The following CHTF18 variants were observed in gnomAD, a reference collection of about 807,000 sequenced individuals.
CHTF18 encodes the protein chromosome transmission fidelity protein 18 homolog.
CHTF18 carries 151 observed loss-of-function variants against 113.4 expected under a neutral mutation model. The observed-to-expected ratio is 1.33, with a 90% CI of 1.17 to 1.52. The LOEUF (loss-of-function observed/expected upper bound fraction) is 1.52. Ranked by LOEUF, CHTF18 falls within the 40% of genes most tolerant of loss-of-function variation. The pLI is 0.00. For missense variants in CHTF18, 1,982 were observed against 1,381.6 expected (o/e 1.43, Z -6.89); for synonymous variants, 916 against 598.8 (o/e 1.53, Z -7.74).
chr16:791,788 T>G lies in CHTF18; in HGVS notation c.1105-63T>G, dbSNP rs2151643748. 3 of 1,532,984 alleles carry G rather than the reference T, an allele frequency of 2.0e-6. No homozygotes were observed. The East Asian group carries it at 7.3e-5, about 38-fold the overall frequency. The allele number at this position is 1,532,984 out of a possible 1,614,324, so 95.0% of individuals were successfully genotyped here. ...TGGGACACATGTGGCAGTCCCTGGC[T>G]GCTAGGCCGGGAGCGTCCTGTAGGT... On this transcript the variant is annotated intron_variant, in intron 8 of 21. Transcript: ENST00000262315.
chr16:793,675 CTG>C (rs2042262893), intron 14 of CHTF18: 2 of 573,390 alleles, frequency 3.5e-6, no homozygotes, highest in African/African-American at 3.7e-5. Flanking sequence ...CAGCATGTCT[CTG>C]TCCTGACGTG....
At chr16:793,410 C>A in intron 14 of CHTF18, 136 bp downstream of exon 14, 1 of 1,151,014 alleles carries the variant, frequency 8.7e-7, no homozygotes, top group Non-Finnish European at 1.2e-6. Flanking sequence ...GTCCAGCCTC[C>A]AGGGCCCTCC....
intron 20 of CHTF18, 38 bp from the exon 21 acceptor site, chr16:797,656 T>A (rs1395587396): frequency 1.2e-6 from 2 of 1,606,996 alleles, no homozygotes; most frequent in Non-Finnish European, 1.7e-6. Flanking sequence ...GGATGGGGCA[T>A]CTGTCCTATA....
At position 791,275 on chromosome 16, in the gene CHTF18, G is replaced by C; in HGVS notation, c.1009G>C (p.Glu337Gln). ...PSVEPARVSK[E>Q]ATAPGKWKSH... Reference sequence around the variant, plus strand: ...TGTTGAGCCGGCCCGGGTCAGCAAGGAGGCCACAGCCCCAGGCAAGTGGAA... The same window carrying C: ...TGTTGAGCCGGCCCGGGTCAGCAAGCAGGCCACAGCCCCAGGCAAGTGGAA... The change falls in exon 8 of 22, where the codon GAG becomes CAG. Residue 337 changes from glutamate to glutamine, a missense_variant. By Grantham distance (29) the Glu-to-Gln change is conservative. Coordinates refer to ENST00000262315, the MANE Select transcript of CHTF18 (RefSeq NM_022092.3). 1 of 1,610,898 alleles carries C rather than the reference G, an allele frequency of 6.2e-7. No homozygotes were observed. The highest frequency in any genetic ancestry group is 8.5e-7 in the Non-Finnish European group (1 of 1,179,472).
chr16:796,097 G>T lies in CHTF18; in HGVS notation c.2456+20G>T. ...GGAGCCGTGAGTCCCCCAGTGCCTGGGGTGTGCTCCAGGGTCATGCTCCCC... is the reference window on the plus strand; with the variant it reads ...GGAGCCGTGAGTCCCCCAGTGCCTGTGGTGTGCTCCAGGGTCATGCTCCCC... On this transcript the variant is annotated intron_variant, in intron 18 of 21. Coordinates refer to ENST00000262315, the MANE Select transcript of CHTF18 (RefSeq NM_022092.3). 1 of 1,592,396 alleles carries T rather than the reference G, an allele frequency of 6.3e-7. No homozygotes were observed. Among genetic ancestry groups the T allele is most frequent in the East Asian group, 2.3e-5 (1 of 43,640 alleles).
rs898694800 is a variant in CHTF18 at position 790,609 on chromosome 16, C to A, written c.837C>A (p.His279Gln). Residue 279 changes from histidine (H) to glutamine (Q), a missense_variant, in exon 7 of 22, where the codon CAC (histidine) becomes CAA (glutamine). Physicochemically the swap from His to Gln is conservative, Grantham distance 24. Coordinates refer to ENST00000262315, the MANE Select transcript of CHTF18 (RefSeq NM_022092.3). ...CTGACGGTCAAGACGCCTCCAGTCA[C>A]TGCCTCTGGGTGGATGAGTTTGCAC... is the stretch of plus-strand genomic sequence containing the variant. The part of the protein sequence containing the change: ...EPTDGQDASS[H>Q]CLWVDEFAPR... The A allele has an allele frequency of 6.3e-7, 1 of 1,596,054 alleles. No individual in the cohort carries two copies. Among genetic ancestry groups the A allele is most frequent in the Non-Finnish European group, 8.5e-7 (1 of 1,172,844 alleles).
chr16:792,938 G>C lies in CHTF18; in HGVS notation c.1573-28G>C, dbSNP rs767835230. 3.2e-6 allele frequency: 5 copies of C among 1,546,644 alleles called. No individual in the cohort carries two copies. In the South Asian group the frequency reaches 4.8e-5, roughly 15 times the overall value. On this transcript the variant is annotated intron_variant, in intron 12 of 21. Coordinates refer to ENST00000262315, the MANE Select transcript of CHTF18 (RefSeq NM_022092.3). Reference sequence around the variant, plus strand: ...CCCTGAAAGGATGGGGCATACCATCGGGCCCTCCAGCAGCCCTTCTCCACC... The same window carrying C: ...CCCTGAAAGGATGGGGCATACCATCCGGCCCTCCAGCAGCCCTTCTCCACC...
Position 788,950 on chromosome 16 carries a change from C to G in CHTF18, c.111C>G (p.Pro37=). 6.4e-7 allele frequency: 1 copy of G among 1,562,648 alleles called. No homozygotes were observed. The highest frequency in any genetic ancestry group is 1.1e-5 in the South Asian group (1 of 87,360). Residue 37 remains proline, a synonymous_variant, in exon 2 of 22, where the codon CCC becomes CCG. Coordinates refer to ENST00000262315, the MANE Select transcript of CHTF18 (RefSeq NM_022092.3). ...AELEGASTPS[P]SGVPLFTAGR... ...CAGCAGGGGCGTCGACTCCGTCGCC[C>G]TCCGGGGTCCCCCTGTTCACCGCGG... is the stretch of plus-strand genomic sequence containing the variant.
In CHTF18 at chr16:791,221, G is replaced by A. The variant is rs749093068; in HGVS notation, c.955G>A (p.Glu319Lys). The A allele has an allele frequency of 9.9e-6, 16 of 1,611,412 alleles. No individual in the cohort carries two copies. Among genetic ancestry groups the A allele is most frequent in the Non-Finnish European group, 1.3e-5 (15 of 1,179,504 alleles). ...GTGGGACCTGGTGGTGTTTGGCCAC[G>A]AGAGGCCTTCCCGGAAGCCCAGGCC... is the stretch of plus-strand genomic sequence containing the variant. ...KLWDLVVFGH[E>K]RPSRKPRPSV... is the part of the protein sequence containing the mutation. The change falls in exon 8 of 22, where the codon GAG (glutamate) becomes AAG (lysine). Residue 319 changes from glutamate to lysine, a missense_variant. Physicochemically the swap from Glu to Lys is moderately conservative, Grantham distance 56. Transcript: ENST00000262315.
At position 789,317 on chromosome 16, in the gene CHTF18, C is replaced by G. The variant is rs1216753691; in HGVS notation, c.394C>G (p.Pro132Ala). 2 of 1,601,268 alleles carry G rather than the reference C, an allele frequency of 1.2e-6. No individual in the cohort carries two copies. Among genetic ancestry groups the G allele is most frequent in the Admixed American group, 1.7e-5 (1 of 58,610 alleles). ...CGACTCCTCGCCGACGGACATCACC[C>G]CGCCGCCGAGCCCTGAGGACCTCGC... ...PPDSSPTDITPPPSPEDLAEL... is the reference protein window; with the variant it reads ...PPDSSPTDITAPPSPEDLAEL... Residue 132 changes from proline (P) to alanine (A), a missense_variant, in exon 3 of 22, where the codon CCG becomes GCG. Coordinates refer to ENST00000262315, the MANE Select transcript of CHTF18 (RefSeq NM_022092.3).
intron 7 of CHTF18, 59 bp from the exon 8 acceptor site, chr16:791,102 C>G: frequency 6.5e-7 from 1 of 1,549,140 alleles, no homozygotes; most frequent in Non-Finnish European, 8.7e-7. Context: ...GGCAGGTGGA[C>G]TGTCCGTGCC....
At position 792,485 on chromosome 16, in the gene CHTF18, A is replaced by T. The variant is rs1022512586; in HGVS notation, c.1373A>T (p.Gln458Leu). ...AGCATCCTGAACCGCAAGGGGCCAC[A>T]GGAGGTGGGGCCACAGGGCCCGGCT... Reference protein sequence around the residue: ...LLSILNRKGPQEVGPQGPAVP... With the variant: ...LLSILNRKGPLEVGPQGPAVP... The change falls in exon 11 of 22, where the codon CAG (glutamine) becomes CTG (leucine). Residue 458 changes from glutamine (Q) to leucine (L), a missense_variant. Physicochemically the swap from Gln to Leu is moderately radical, Grantham distance 113. Transcript: ENST00000262315. 3.1e-6 allele frequency: 5 copies of T among 1,590,538 alleles called. No homozygotes were observed. Among genetic ancestry groups the T allele is most frequent in the South Asian group, 2.3e-5 (2 of 88,498 alleles).
intron 15 of CHTF18, 83 bp from the exon 16 acceptor site, chr16:795,049 G>A: frequency 8.9e-7 from 1 of 1,124,004 alleles, no homozygotes; most frequent in Admixed American, 2.1e-5. Context: ...GGAGTGGAGG[G>A]TCTGTGGCGG....
Position 793,063 on chromosome 16 carries a change from A to G in CHTF18, c.1670A>G (p.Gln557Arg). 8.6e-7 allele frequency: 1 copy of G among 1,165,420 alleles called. No homozygotes were observed. The highest frequency in any genetic ancestry group is 1.3e-5 in the South Asian group (1 of 76,682). The allele number at this position is 1,165,420 out of a possible 1,614,324, so 72.2% of individuals were successfully genotyped here. ...NDIRACINTL[Q>R]FLYSRGQREL... ...ATCCGGGCCTGCATCAACACCCTGC[A>G]GGTGGGCGGCCGGCAGGCACCGGGT... The change falls in exon 13 of 22, where the codon CAG becomes CGG. Residue 557 changes from glutamine to arginine, a missense_variant and splice_region_variant. Transcript: ENST00000262315.
intron 18 of CHTF18, among the ~76,000 whole-genome samples, chr16:796,328 C>T (rs557132265): frequency 5.3e-5 from 8 of 152,136 alleles, no homozygotes; most frequent in East Asian, 1.9e-4. Flanking sequence ...GAACTGGAGC[C>T]GGGGGCCCCG....
At chr16:789,838 A>C (rs2277899) in intron 4 of CHTF18, 123 bp downstream of exon 4, 213,729 of 1,338,162 alleles carry the variant, frequency 0.16, 18,093 homozygotes, top group East Asian at 0.27. Flanking sequence ...AGGGGTGCAG[A>C]GGGGGAGGCT....
At chr16:797,227 C>T (rs897050169) in intron 20 of CHTF18, 135 bp downstream of exon 20, 21 of 1,064,420 alleles carry the variant, frequency 2.0e-5, no homozygotes, top group Admixed American at 3.4e-5. Context: ...TAGGGCCCCT[C>T]ATGAGGCAGG....
In CHTF18 at chr16:791,334, G is replaced by C; in HGVS notation, c.1068G>C (p.Glu356Asp). The part of the protein sequence containing the change: ...SHEQVLEEML[E>D]AGLDPSQRPK... ...AACAGGTGCTGGAGGAGATGCTGGA[G>C]GCTGGGCTGGACCCGAGCCAGCGAC... The change falls in exon 8 of 22, where the codon GAG (glutamate) becomes GAC (aspartate). Residue 356 changes from glutamate to aspartate, a missense_variant. Physicochemically the swap from Glu to Asp is conservative, Grantham distance 45. Coordinates refer to ENST00000262315, the MANE Select transcript of CHTF18 (RefSeq NM_022092.3). 1.2e-6 allele frequency: 2 copies of C among 1,608,506 alleles called. No homozygotes were observed. The highest frequency in any genetic ancestry group is 3.3e-5 in the Admixed American group (2 of 59,898).
chr16:790,593 A>T lies in CHTF18; in HGVS notation c.821A>T (p.Gln274Leu). 1 of 1,597,964 alleles carries T rather than the reference A, an allele frequency of 6.3e-7. No homozygotes were observed. The highest frequency in any genetic ancestry group is 8.5e-7 in the Non-Finnish European group (1 of 1,173,286). The change falls in exon 7 of 22, where the codon CAA (glutamine) becomes CTA (leucine). Residue 274 changes from glutamine to leucine, a missense_variant. By Grantham distance (113) the Gln-to-Leu change is moderately radical (BLOSUM62 -2). Coordinates refer to ENST00000262315, the MANE Select transcript of CHTF18 (RefSeq NM_022092.3). ...GAPEEEPTDG[Q>L]DASSHCLWVD... ...CCTGAGGAGGAGCCGACTGACGGTC[A>T]AGACGCCTCCAGTCACTGCCTCTGG... is the stretch of plus-strand genomic sequence containing the variant.
Sources: allele counts gnomAD v4.1 joint callset (sites outside exome capture counted in the v4.1 genomes callset), GRCh38; gene constraint gnomAD v4.1.1; transcripts MANE v1.5; gene names NCBI Gene and HGNC (gene_info 2026-07-23, HGNC 2026-07-21).